Variants in INPP4B observed in about 807,000 individuals in gnomAD.
INPP4B encodes the protein inositol polyphosphate-4-phosphatase type II B.
Under a neutral mutation model 122.5 loss-of-function variants are expected in INPP4B, and 55 were observed. That is an observed-to-expected ratio of 0.45 (90% confidence interval 0.36 to 0.56). The LOEUF (loss-of-function observed/expected upper bound fraction) is 0.56, where lower values mean the gene tolerates loss of function less well. INPP4B is among the 20% of genes least tolerant of loss of function. INPP4B has a pLI of 0.00. For synonymous variants in INPP4B, 403 were observed against 388.7 expected, an observed-to-expected ratio of 1.04 and a Z score of -0.43; for missense variants, 1,000 against 1,097.7, an observed-to-expected ratio of 0.91 and a Z score of 1.26.
chr4:142,082,401 A>G (rs913720659), intron 24 of INPP4B, among the ~76,000 whole-genome samples: 1 of 152,164 alleles, frequency 6.6e-6, no homozygotes, highest in Non-Finnish European at 1.5e-5. Flanking sequence ...TTCTTTGTGC[A>G]TGAGGCATGG....
intron 2 of INPP4B, among the ~76,000 whole-genome samples, chr4:142,601,250 T>A (rs973808893): frequency 2.0e-5 from 3 of 152,208 alleles, no homozygotes; most frequent in East Asian, 1.9e-4. Flanking sequence ...AACTGAAGAA[T>A]ACACATTCTT....
At chr4:142,785,762 A>T (rs1465605000) in intron 1 of INPP4B, among the ~76,000 whole-genome samples, 1 of 152,110 alleles carries the variant, frequency 6.6e-6, no homozygotes, top group Admixed American at 6.6e-5. Context: ...TAAAGTACCA[A>T]GGGGGAAGAA....
chr4:142,030,329 G>A (rs1024208068), intron 25 of INPP4B: 9 of 1,510,848 alleles, frequency 6.0e-6, no homozygotes, highest in African/African-American at 2.8e-5. Flanking sequence ...AGTTGGGGGG[G>A]AAAAGAAAAT....
At chr4:142,558,104 C>T (rs1421700290) in intron 2 of INPP4B, among the ~76,000 whole-genome samples, 3 of 152,182 alleles carry the variant, frequency 2.0e-5, no homozygotes, top group African/African-American at 7.2e-5. Context: ...CCCATTCTTT[C>T]ATTTTAAATT....
chr4:142,505,321 T>C (rs1823881584), intron 2 of INPP4B, among the ~76,000 whole-genome samples: 1 of 152,020 alleles, frequency 6.6e-6, no homozygotes, highest in African/African-American at 2.4e-5. Flanking sequence ...ATAATTTTTA[T>C]CAATAAAAAT....
At chr4:142,443,089 G>A (rs1216174046) in intron 3 of INPP4B, among the ~76,000 whole-genome samples, 1 of 152,084 alleles carries the variant, frequency 6.6e-6, no homozygotes, top group Admixed American at 6.5e-5. Flanking sequence ...ACAATTCAAG[G>A]TAAGATTTGG....
intron 2 of INPP4B, among the ~76,000 whole-genome samples, chr4:142,677,829 C>A (rs942596753): frequency 1.3e-5 from 2 of 151,880 alleles, no homozygotes; most frequent in Admixed American, 1.3e-4. Context: ...ACATCATATA[C>A]TGGGGTCTGC....
chr4:142,652,565 A>G (rs1054827624), intron 2 of INPP4B, among the ~76,000 whole-genome samples: 2 of 152,172 alleles, frequency 1.3e-5, no homozygotes, highest in African/African-American at 4.8e-5. Flanking sequence ...AAACATTCCT[A>G]AACACCAATA....
At chr4:142,818,228 C>T (rs1328425931) in intron 1 of INPP4B, among the ~76,000 whole-genome samples, 2 of 152,202 alleles carry the variant, frequency 1.3e-5, no homozygotes, top group Non-Finnish European at 2.9e-5. Flanking sequence ...CTCCCCTGCC[C>T]TGGCCAGTTT....
At chr4:142,552,347 T>C (rs28416284) in intron 2 of INPP4B, among the ~76,000 whole-genome samples, 4,375 of 152,170 alleles carry the variant, frequency 0.029, 196 homozygotes, top group African/African-American at 0.1. Flanking sequence ...GCTGCTAATC[T>C]GGGATCCTCA....
chr4:142,826,880 G>A (rs1018338676), intron 1 of INPP4B, among the ~76,000 whole-genome samples: 7 of 152,164 alleles, frequency 4.6e-5, no homozygotes, highest in East Asian at 1.9e-4. Context: ...GAAGCTTGTC[G>A]CTGTTGTTGA....
chr4:142,837,977 G>A (rs941118147), intron 1 of INPP4B, among the ~76,000 whole-genome samples: 5 of 151,438 alleles, frequency 3.3e-5, no homozygotes, highest in African/African-American at 1.2e-4. Context: ...TAATTCATAG[G>A]CCTATTAAAG....
chr4:142,296,544 C>G (rs567695936), intron 9 of INPP4B, among the ~76,000 whole-genome samples: 9 of 152,304 alleles, frequency 5.9e-5, no homozygotes, highest in African/African-American at 1.4e-4. Context: ...TTATCAAGAA[C>G]TTATGTGTCA....
intron 7 of INPP4B, among the ~76,000 whole-genome samples, chr4:142,344,440 C>G (rs1779671057): frequency 6.6e-6 from 1 of 151,980 alleles, no homozygotes; most frequent in Admixed American, 6.6e-5. Flanking sequence ...TTTCCTTTTT[C>G]CACCATGCCT....
intron 2 of INPP4B, among the ~76,000 whole-genome samples, chr4:142,547,202 C>T (rs924955816): frequency 3.3e-5 from 5 of 151,516 alleles, no homozygotes; most frequent in Admixed American, 2.6e-4. Context: ...ACAATTACAT[C>T]CTACAAATTC....
chr4:142,123,693 G>A (rs1002181383), intron 19 of INPP4B, among the ~76,000 whole-genome samples: 2 of 152,042 alleles, frequency 1.3e-5, no homozygotes, highest in African/African-American at 2.4e-5. Flanking sequence ...ATTTCTAACA[G>A]TAAATTCATA....
At chr4:142,060,119 C>T (rs764803365) in intron 25 of INPP4B, among the ~76,000 whole-genome samples, 1 of 152,128 alleles carries the variant, frequency 6.6e-6, no homozygotes, top group Non-Finnish European at 1.5e-5. Context: ...GAATCTCACC[C>T]TGCCCAGTGA....
At chr4:142,515,344 A>G (rs1048326038) in intron 2 of INPP4B, among the ~76,000 whole-genome samples, 3 of 152,266 alleles carry the variant, frequency 2.0e-5, no homozygotes, top group Admixed American at 6.5e-5. Context: ...CAAGTTTCCA[A>G]TGCAATCATG....
intron 2 of INPP4B, among the ~76,000 whole-genome samples, chr4:142,496,370 C>T (rs1047651198): frequency 1.3e-5 from 2 of 152,034 alleles, no homozygotes; most frequent in South Asian, 2.1e-4. Flanking sequence ...AATAGTGCTG[C>T]TTTGAACATT....
Sources: allele counts gnomAD v4.1 joint callset (sites outside exome capture counted in the v4.1 genomes callset), GRCh38; gene constraint gnomAD v4.1.1; transcripts MANE v1.5; gene names NCBI Gene and HGNC (gene_info 2026-07-23, HGNC 2026-07-21).